Variants in EDA observed in about 807,000 individuals in gnomAD.
EDA encodes ectodysplasin A, also known as ectodysplasin-A.
A neutral mutation model predicts 23.6 loss-of-function variants in EDA; 2 were observed. That is an observed-to-expected ratio of 0.08 (90% CI 0.03 to 0.27). EDA has a LOEUF of 0.27. EDA is among the 10% of genes least tolerant of loss of function. The pLI, the probability that EDA is intolerant of heterozygous loss-of-function variation, is 1.00. For missense variants in EDA, 229 were observed against 324.2 expected (o/e 0.71, Z 2.26); for synonymous variants, 131 against 132.0 (o/e 0.99, Z 0.05).
At chrX:69,868,791 TG>T (rs1207487902) in intron 1 of EDA, among the ~76,000 whole-genome samples, 1 of 112,548 alleles carries the variant, frequency 8.9e-6, no homozygotes, top group African/African-American at 3.2e-5. Context: ...AAAGGGCATT[TG>T]CCAAGTCAAT....
chrX:69,702,977 C>T (rs1443326217), intron 1 of EDA, among the ~76,000 whole-genome samples: 2 of 108,604 alleles, frequency 1.8e-5, no homozygotes, highest in Non-Finnish European at 3.8e-5. Context: ...TATGAGGCAG[C>T]CTAGAGGGCT....
intron 1 of EDA, among the ~76,000 whole-genome samples, chrX:69,766,320 A>G (rs750753053): frequency 6.3e-5 from 7 of 110,574 alleles, no homozygotes; most frequent in Admixed American, 9.7e-5. Flanking sequence ...AGGGTTACAT[A>G]TGCAGGTTTG....
chrX:69,641,298 C>T (rs565752808), intron 1 of EDA, among the ~76,000 whole-genome samples: 10 of 111,665 alleles, frequency 9.0e-5, no homozygotes, highest in Non-Finnish European at 1.5e-4. Flanking sequence ...AATTATAAAA[C>T]GCAATAGCAA....
intron 1 of EDA, among the ~76,000 whole-genome samples, chrX:69,733,761 G>A (rs1379399211): frequency 6.3e-5 from 7 of 111,083 alleles, no homozygotes; most frequent in East Asian, 2.8e-4. Context: ...ATTTGTTTGT[G>A]TCCTCTTTTA....
intron 1 of EDA, among the ~76,000 whole-genome samples, chrX:69,921,103 T>C (rs1423649517): frequency 9.0e-6 from 1 of 111,204 alleles, no homozygotes; most frequent in Non-Finnish European, 1.9e-5. Context: ...GGCTCCTGTG[T>C]CCCTTTGATG....
At chrX:69,767,355 C>T (rs1342848670) in intron 1 of EDA, among the ~76,000 whole-genome samples, 1 of 110,264 alleles carries the variant, frequency 9.1e-6, no homozygotes, top group Non-Finnish European at 1.9e-5. Context: ...CTTTGTATTC[C>T]CTCCATTCCT....
At chrX:69,939,972 C>T (rs1186208221) in intron 1 of EDA, among the ~76,000 whole-genome samples, 2 of 111,295 alleles carry the variant, frequency 1.8e-5, no homozygotes, top group African/African-American at 3.3e-5. Context: ...TTTAATGTGT[C>T]GTTGAATTCA....
chrX:69,790,219 A>G (rs1441392838), intron 1 of EDA, among the ~76,000 whole-genome samples: 3 of 109,758 alleles, frequency 2.7e-5, no homozygotes, highest in Non-Finnish European at 5.7e-5. Flanking sequence ...TTTTTTATAT[A>G]TTATTATTAT....
At chrX:69,821,132 A>T (rs1202424187) in intron 1 of EDA, among the ~76,000 whole-genome samples, 3 of 109,636 alleles carry the variant, frequency 2.7e-5, no homozygotes, top group Non-Finnish European at 3.8e-5. Context: ...AAACTAACAC[A>T]GGAACAGAAA....
chrX:69,780,282 C>G (rs1179022022), intron 1 of EDA, among the ~76,000 whole-genome samples: 1 of 111,625 alleles, frequency 9.0e-6, no homozygotes, highest in Non-Finnish European at 1.9e-5. Context: ...CATTATCCTA[C>G]AGAGCAAATG....
chrX:69,616,721 G>T lies in EDA; in HGVS notation c.396+17G>T. The T allele has an allele frequency of 8.3e-7, 1 of 1,211,086 alleles. No homozygotes were observed. Among genetic ancestry groups the T allele is most frequent in the Non-Finnish European group, 1.1e-6 (1 of 895,216 alleles). On this transcript the variant is annotated intron_variant, in intron 1 of 7. Coordinates refer to ENST00000374552, the MANE Select transcript of EDA (RefSeq NM_001399.5). Reference sequence around the variant, plus strand: ...GGGCACCAGGTGAGTCACCTAGTAGGGGCGGCGGCGGCCCCCTCCCCTCGC... The same window carrying T: ...GGGCACCAGGTGAGTCACCTAGTAGTGGCGGCGGCGGCCCCCTCCCCTCGC...
intron 1 of EDA, among the ~76,000 whole-genome samples, chrX:69,916,121 A>G (rs759589880): frequency 8.9e-6 from 1 of 111,780 alleles, no homozygotes; most frequent in East Asian, 2.8e-4. Context: ...TTCCACATCT[A>G]CAAAATGGGA....
chrX:69,809,131 G>A (rs754408373), intron 1 of EDA, among the ~76,000 whole-genome samples: 1 of 111,650 alleles, frequency 9.0e-6, no homozygotes, highest in East Asian at 2.8e-4. Flanking sequence ...ACTTAATATT[G>A]TTTAAATTTG....
intron 2 of EDA, among the ~76,000 whole-genome samples, chrX:69,988,388 A>T (rs2019535745): frequency 8.9e-6 from 1 of 112,045 alleles, no homozygotes; most frequent in African/African-American, 3.2e-5. Flanking sequence ...ATTTTTAAAT[A>T]ACCAAAAGAG....
chrX:69,634,113 T>G (rs1008651626), intron 1 of EDA, among the ~76,000 whole-genome samples: 3 of 112,360 alleles, frequency 2.7e-5, no homozygotes, highest in Non-Finnish European at 5.6e-5. Context: ...ACTAATGATA[T>G]TGAGCATTTT....
chrX:69,861,687 AAAAGAC>A (rs200576575), intron 1 of EDA, among the ~76,000 whole-genome samples: 1,544 of 112,064 alleles, frequency 0.014, 19 homozygotes, highest in African/African-American at 0.045. Flanking sequence ...CCCAAAGAAT[AAAAGAC>A]AAATACTAAC....
In EDA at chrX:69,968,093, G is replaced by GT. The variant is rs924086648; in HGVS notation, c.502+10969dup. 3.1e-4 allele frequency among the ~76,000 whole-genome samples: 35 copies of GT among 111,171 alleles called. No homozygotes were observed. The South Asian group carries it at 5.4e-3, about 17-fold the overall frequency. On this transcript the variant is annotated intron_variant, in intron 2 of 7. Transcript: ENST00000374552. ...GACACAAAGATGCATAAAATATGGG[G>GT]TTTTTTTTAAGCTCTGGAAGCCCAC...
intron 1 of EDA, among the ~76,000 whole-genome samples, chrX:69,697,915 A>G (rs1256212749): frequency 8.9e-6 from 1 of 112,422 alleles, no homozygotes; most frequent in Non-Finnish European, 1.9e-5. Flanking sequence ...CTCTTCTGCT[A>G]ATAACTAGTC....
At position 69,739,036 on chromosome X, in the gene EDA, A is replaced by G. The variant is rs766903433; in HGVS notation, c.396+122332A>G. On this transcript the variant is annotated intron_variant, in intron 1 of 7. Transcript: ENST00000374552. The stretch of plus-strand genomic sequence containing the variant: ...TTATAATTTTGTTCAAGTCTTCTGT[A>G]TCCTCTTGGTCTTCTGCCTAGTTTT... Among the ~76,000 whole-genome samples, 3 of 111,491 alleles carry G rather than the reference A, an allele frequency of 2.7e-5. No individual in the cohort carries two copies. The East Asian group carries it at 8.5e-4, about 31-fold the overall frequency.
Sources: allele counts gnomAD v4.1 joint callset (sites outside exome capture counted in the v4.1 genomes callset), GRCh38; gene constraint gnomAD v4.1.1; transcripts MANE v1.5; gene names NCBI Gene and HGNC (gene_info 2026-07-23, HGNC 2026-07-21).